CNBD1: variants seen among roughly 807,000 people sequenced by gnomAD.
CNBD1 encodes cyclic nucleotide-binding domain-containing protein 1.
In CNBD1, 71 loss-of-function variants were observed where a neutral mutation model predicts 54.4. The observed-to-expected ratio is 1.30, with a 90% confidence interval of 1.08 to 1.59. CNBD1 has a LOEUF of 1.59. CNBD1 is among the 40% of genes most tolerant of loss of function. CNBD1 has a pLI of 0.00. For missense variants in CNBD1, 659 were observed against 518.0 expected (o/e 1.27, Z -2.64); for synonymous variants, 182 against 170.7 (o/e 1.07, Z -0.51).
Position 86,952,908 on chromosome 8 carries a change from T to C in CNBD1, c.431+13154T>C, listed in dbSNP as rs541410432. Among the ~76,000 whole-genome samples the C allele has an allele frequency of 2.0e-5, 3 of 152,332 alleles. No homozygotes were observed. The South Asian group carries it at 6.2e-4, about 32-fold the overall frequency. The stretch of plus-strand genomic sequence containing the variant: ...ACCCTCTGTTCCAAGCAACCACTTA[T>C]CTGCTTTCTGTCAGTAAACTTTATT... On this transcript the variant is annotated intron_variant, in intron 4 of 10. Transcript: ENST00000518476.
chr8:87,405,280 T>C (rs908260828), intron 2 of CNBD1, among the ~76,000 whole-genome samples: 3 of 152,112 alleles, frequency 2.0e-5, no homozygotes, highest in Admixed American at 2.0e-4. Context: ...ATATACTTTT[T>C]ATCAATAATA....
At chr8:87,092,201 A>C (rs1378082033) in intron 4 of CNBD1, among the ~76,000 whole-genome samples, 2 of 152,100 alleles carry the variant, frequency 1.3e-5, no homozygotes, top group African/African-American at 4.8e-5. Flanking sequence ...ACTTGGCTTT[A>C]TCTATTTCCA....
At position 86,904,180 on chromosome 8, in the gene CNBD1, G is replaced by A. The variant is rs575397050; in HGVS notation, c.159-901G>A. 7.9e-5 allele frequency among the ~76,000 whole-genome samples: 12 copies of A among 152,062 alleles called. 2 individuals are homozygous for A. The East Asian group carries it at 2.1e-3, about 27-fold the overall frequency. On this transcript the variant is annotated intron_variant, in intron 2 of 10. Transcript: ENST00000518476. Reference sequence around the variant, plus strand: ...AAAATGAAAAAGACTTTTTAAAAAAGCCTTCTCTTGAGGATTTTGTTGTTC... The same window carrying A: ...AAAATGAAAAAGACTTTTTAAAAAAACCTTCTCTTGAGGATTTTGTTGTTC...
chr8:87,377,312 C>A (rs1349566234), intron 10 of CNBD1, among the ~76,000 whole-genome samples: 2 of 149,392 alleles, frequency 1.3e-5, no homozygotes, highest in Non-Finnish European at 3.0e-5. Flanking sequence ...CTCCCCACAC[C>A]CCACAACAGT....
In CNBD1 at chr8:87,423,813, C is replaced by A. The variant is rs554143161; in HGVS notation, c.214-4733C>A. On this transcript the variant is annotated intron_variant, in intron 2 of 7. Coordinates refer to the CNBD1 transcript ENST00000521593. ...CATAAAATGAGTTAGGGAGGATTCC[C>A]TCTTTTTCTATTGATTGGAATAATT... 1.6e-3 allele frequency among the ~76,000 whole-genome samples: 250 copies of A among 152,222 alleles called. 1 individual carries two copies. Among genetic ancestry groups the A allele is most frequent in the African/African-American group, 5.7e-3 (236 of 41,506 alleles).
At chr8:87,001,169 G>C (rs181524894) in intron 4 of CNBD1, among the ~76,000 whole-genome samples, 24 of 151,630 alleles carry the variant, frequency 1.6e-4, no homozygotes, top group African/African-American at 5.6e-4. Context: ...ACTTATGTCT[G>C]TTCTGTTATT....
chr8:87,121,706 A>G (rs909587444), intron 4 of CNBD1, among the ~76,000 whole-genome samples: 2 of 151,680 alleles, frequency 1.3e-5, no homozygotes, highest in African/African-American at 4.8e-5. Context: ...CTACCATTCT[A>G]TTCTCTACTT....
intron 1 of CNBD1, among the ~76,000 whole-genome samples, chr8:86,875,625 C>A (rs1808509396): frequency 6.6e-6 from 1 of 152,010 alleles, no homozygotes; most frequent in South Asian, 2.1e-4. Flanking sequence ...TTGGTACTTT[C>A]AGAAATTTGT....
intron 10 of CNBD1, among the ~76,000 whole-genome samples, chr8:87,364,902 T>G (rs1199680999): frequency 6.6e-6 from 1 of 152,126 alleles, no homozygotes; most frequent in Non-Finnish European, 1.5e-5. Context: ...TAGATGGGCA[T>G]TTAGGTTGAT....
At chr8:86,897,616 A>G (rs1250102158) in intron 2 of CNBD1, among the ~76,000 whole-genome samples, 1 of 152,242 alleles carries the variant, frequency 6.6e-6, no homozygotes, top group African/African-American at 2.4e-5. Flanking sequence ...AACACAGCCA[A>G]TTCCAGAAAT....
chr8:87,221,458 C>T (rs933619772), intron 5 of CNBD1, among the ~76,000 whole-genome samples: 1 of 152,082 alleles, frequency 6.6e-6, no homozygotes, highest in Admixed American at 6.6e-5. Context: ...TGGTCTTGTT[C>T]ATTTGATTTC....
intron 4 of CNBD1, among the ~76,000 whole-genome samples, chr8:87,201,848 G>A (rs1386557130): frequency 2.6e-5 from 4 of 152,174 alleles, no homozygotes; most frequent in East Asian, 1.9e-4. Context: ...TGTCTCCCAG[G>A]TTCAAGCCAT....
intron 10 of CNBD1, among the ~76,000 whole-genome samples, chr8:87,377,068 T>C (rs1284419389): frequency 7.3e-6 from 1 of 136,254 alleles, no homozygotes; most frequent in Non-Finnish European, 1.7e-5. Flanking sequence ...TTTTTATTTC[T>C]TTATTTTATT....
chr8:87,006,919 G>A (rs754450035), intron 4 of CNBD1, among the ~76,000 whole-genome samples: 5 of 152,176 alleles, frequency 3.3e-5, no homozygotes, highest in Admixed American at 1.3e-4. Flanking sequence ...CTTATTGGCC[G>A]GGTGCCGCGG....
intron 5 of CNBD1, among the ~76,000 whole-genome samples, chr8:87,208,391 A>G (rs956039705): frequency 1.3e-5 from 2 of 151,752 alleles, no homozygotes; most frequent in South Asian, 2.1e-4. Context: ...CTATATTATT[A>G]TATTATTTAC....
At chr8:87,315,821 A>G (rs1809373637) in intron 8 of CNBD1, among the ~76,000 whole-genome samples, 1 of 152,032 alleles carries the variant, frequency 6.6e-6, no homozygotes, top group Non-Finnish European at 1.5e-5. Context: ...TTTATAATTT[A>G]TTGTATATTT....
intron 10 of CNBD1, among the ~76,000 whole-genome samples, chr8:87,376,550 C>A (rs1180463448): frequency 1.3e-5 from 2 of 151,876 alleles, no homozygotes; most frequent in Non-Finnish European, 2.9e-5. Context: ...AATATCCTGA[C>A]AGATGTGAAA....
At chr8:87,266,436 A>AAAGATTTTT in intron 6 of CNBD1, among the ~76,000 whole-genome samples, 1 of 76,226 alleles carries the variant, frequency 1.3e-5, no homozygotes, top group Non-Finnish European at 3.1e-5. Context: ...AAAAAAAAAA[A>AAAGATTTTT]TCTTTTTTTT....
chr8:87,378,413 C>T (rs1810996731), intron 10 of CNBD1, among the ~76,000 whole-genome samples: 1 of 150,608 alleles, frequency 6.6e-6, no homozygotes, highest in Non-Finnish European at 1.5e-5. Context: ...AATAGGGAAT[C>T]CTTTCCCCAT....
Sources: gnomAD v4.1 joint callset for allele counts (sites outside exome capture counted in the v4.1 genomes callset) on GRCh38, gnomAD v4.1.1 for gene constraint, MANE v1.5 for transcripts, NCBI Gene and HGNC (gene_info 2026-07-23, HGNC 2026-07-21) for gene names.